The following ENTREP3 variants were observed in gnomAD, a reference collection of about 807,000 sequenced individuals.
The protein encoded by ENTREP3 is endosomal transmembrane epsin interactor 3.
the ENTREP3 span, chr1:155,251,704 T>C: frequency 1.2e-6 from 2 of 1,611,042 alleles, no homozygotes; most frequent in Non-Finnish European, 1.7e-6. Flanking sequence ...CTTCCTTAGC[T>C]CCCCCAGCAA....
chr1:155,253,814 G>C, the ENTREP3 span: 1 of 1,611,690 alleles, frequency 6.2e-7, no homozygotes, highest in Non-Finnish European at 8.5e-7. Context: ...CAGCAGGGGA[G>C]GCAAGAGTGA....
the ENTREP3 span, among the ~76,000 whole-genome samples, chr1:155,248,996 G>A: frequency 6.6e-6 from 1 of 152,056 alleles, no homozygotes; most frequent in Non-Finnish European, 1.5e-5. Flanking sequence ...GATTATAGGT[G>A]TGAACAGCCT....
At chr1:155,254,417 G>A in the ENTREP3 span, 7 of 1,614,180 alleles carry the variant, frequency 4.3e-6, no homozygotes, top group East Asian at 2.2e-5. This position sits in a 1 kb window ranked among gnomAD's most constrained non-coding sequence, Gnocchi z 4.4. Context: ...GTGAATGGCC[G>A]CTTCCAGGAC....
the ENTREP3 span, chr1:155,254,406 A>T: frequency 1.2e-6 from 2 of 1,614,064 alleles, no homozygotes; most frequent in East Asian, 4.5e-5. The surrounding 1 kb of genome is among the most constrained non-coding windows in gnomAD (Gnocchi z 4.4). Flanking sequence ...CTACCACTAG[A>T]GTGAATGGCC....
chr1:155,255,029 G>C, the ENTREP3 span: 13 of 634,954 alleles, frequency 2.0e-5, no homozygotes, highest in East Asian at 3.6e-4. The surrounding 1 kb of genome is among the most constrained non-coding windows in gnomAD (Gnocchi z 5.6). Flanking sequence ...GCCGAGGGAC[G>C]CCAGCTGTGG....
chr1:155,248,497 A>T, the ENTREP3 span: 1 of 1,607,516 alleles, frequency 6.2e-7, no homozygotes, highest in Non-Finnish European at 8.5e-7. Flanking sequence ...AGAAAGGGAG[A>T]CAGGGAGTGA....
At chr1:155,251,815 G>A in the ENTREP3 span, 6 of 1,576,842 alleles carry the variant, frequency 3.8e-6, no homozygotes, top group Non-Finnish European at 5.2e-6. Flanking sequence ...AATTCCTCCA[G>A]GTCCAGCATG....
chr1:155,254,867 G>A, the ENTREP3 span: 2 of 1,569,044 alleles, frequency 1.3e-6, no homozygotes, highest in Middle Eastern at 2.2e-4. This position sits in a 1 kb window ranked among gnomAD's most constrained non-coding sequence, Gnocchi z 4.4. Flanking sequence ...GTCACTAGGC[G>A]AGGGCATCAT....
At chr1:155,247,304 C>A in the ENTREP3 span, 359 of 441,832 alleles carry the variant, frequency 8.1e-4, 4 homozygotes, top group Admixed American at 8.6e-3. Context: ...ATGGAGCAGG[C>A]AATTGGGGTT....
chr1:155,251,600 T>A, the ENTREP3 span: 4 of 1,613,714 alleles, frequency 2.5e-6, no homozygotes, highest in Non-Finnish European at 3.4e-6. Flanking sequence ...TTGTACGTGA[T>A]GCTGGCAGAT....
At chr1:155,249,853 T>G in the ENTREP3 span, among the ~76,000 whole-genome samples, 2 of 136,970 alleles carry the variant, frequency 1.5e-5, no homozygotes, top group Admixed American at 1.6e-4. Context: ...GCGGCTGCAC[T>G]CCAGCCTGGG....
the ENTREP3 span, chr1:155,255,259 G>A: frequency 3.1e-6 from 1 of 323,148 alleles, no homozygotes; most frequent in Non-Finnish European, 5.9e-6. The surrounding 1 kb of genome is among the most constrained non-coding windows in gnomAD (Gnocchi z 5.6). Flanking sequence ...AAAGCGGGAA[G>A]GATGGAAATA....
the ENTREP3 span, chr1:155,250,868 A>G: frequency 2.6e-6 from 4 of 1,524,456 alleles, no homozygotes; most frequent in African/African-American, 5.5e-5. This position sits in a 1 kb window ranked among gnomAD's most constrained non-coding sequence, Gnocchi z 5.4. Flanking sequence ...GGCCTGGCCT[A>G]GCCCTGCCCA....
chr1:155,250,935 T>C, the ENTREP3 span: 1 of 1,281,690 alleles, frequency 7.8e-7, no homozygotes, highest in Non-Finnish European at 1.1e-6. The surrounding 1 kb of genome is among the most constrained non-coding windows in gnomAD (Gnocchi z 5.4). Flanking sequence ...TCCAGCTTTA[T>C]CTCAGAGGAG....
the ENTREP3 span, chr1:155,253,818 A>T: frequency 7.5e-6 from 12 of 1,610,140 alleles, no homozygotes; most frequent in Admixed American, 1.7e-5. Flanking sequence ...AGGGGAGGCA[A>T]GAGTGAGAAC....
the ENTREP3 span, chr1:155,254,731 G>A: frequency 6.2e-7 from 1 of 1,613,820 alleles, no homozygotes; most frequent in Non-Finnish European, 8.5e-7. The surrounding 1 kb of genome is among the most constrained non-coding windows in gnomAD (Gnocchi z 4.4). Flanking sequence ...TGCTGAAGGT[G>A]ACCACCAGGA....
the ENTREP3 span, chr1:155,248,573 CT>C: frequency 1.1e-6 from 1 of 941,368 alleles, no homozygotes; most frequent in Non-Finnish European, 1.7e-6. Context: ...GCTTTCACAG[CT>C]CCCACGCTCC....
the ENTREP3 span, among the ~76,000 whole-genome samples, chr1:155,249,012 G>A: frequency 9.2e-5 from 14 of 152,026 alleles, no homozygotes; most frequent in East Asian, 2.3e-3. Flanking sequence ...AGCCTTGCCC[G>A]GCCACTGTCT....
the ENTREP3 span, chr1:155,254,986 A>G: frequency 2.3e-6 from 2 of 865,934 alleles, no homozygotes; most frequent in Non-Finnish European, 3.6e-6. The surrounding 1 kb of genome is among the most constrained non-coding windows in gnomAD (Gnocchi z 4.4). Context: ...CTCGCTCTAG[A>G]GCCCACCCCC....
Sources: allele counts gnomAD v4.1 joint callset (sites outside exome capture counted in the v4.1 genomes callset), GRCh38; gene constraint gnomAD v4.1.1; non-coding constraint Gnocchi (gnomAD v3.1); transcripts MANE v1.5; gene names NCBI Gene and HGNC (gene_info 2026-07-23, HGNC 2026-07-21).